The following FAM133B variants were observed in gnomAD, a reference collection of about 807,000 sequenced individuals.
FAM133B encodes family with sequence similarity 133 member B.
Under a neutral mutation model 46.4 loss-of-function variants are expected in FAM133B, and 25 were observed. That is an observed-to-expected ratio of 0.54 (90% CI 0.39 to 0.75). The LOEUF (loss-of-function observed/expected upper bound fraction) is 0.75, where lower values mean the gene tolerates loss of function less well. Among genes scored for constraint, FAM133B ranks in the 30% least tolerant of loss-of-function variants. FAM133B has a pLI of 0.00. For synonymous variants in FAM133B, 75 were observed against 86.0 expected (o/e 0.87, Z 0.71); for missense variants, 205 against 277.6 (o/e 0.74, Z 1.86).
intron 9 of FAM133B, among the ~76,000 whole-genome samples, chr7:92,568,007 A>G (rs1332833828): frequency 6.6e-6 from 1 of 152,168 alleles, no homozygotes; most frequent in South Asian, 2.1e-4. Flanking sequence ...CAGGTGATCC[A>G]TCTGCCTTGG....
At chr7:92,563,498 G>A (rs1562887317) in intron 10 of FAM133B, among the ~76,000 whole-genome samples, 1 of 151,968 alleles carries the variant, frequency 6.6e-6, no homozygotes, top group African/African-American at 2.4e-5. Flanking sequence ...TCCTTTGCTG[G>A]CTCTTCTTCC....
intron 5 of FAM133B, 185 bp from the exon 6 acceptor site, chr7:92,577,902 T>G: frequency 1.5e-6 from 1 of 653,952 alleles, no homozygotes; most frequent in Non-Finnish European, 2.6e-6. Context: ...CAAGTTAACA[T>G]ATGTGGCCAT....
intron 7 of FAM133B, among the ~76,000 whole-genome samples, chr7:92,576,069 C>A (rs781725567): frequency 1.3e-5 from 2 of 152,218 alleles, no homozygotes; most frequent in Non-Finnish European, 2.9e-5. Context: ...GTAATACCCA[C>A]ACAGCTTATT....
chr7:92,581,766 T>C, intron 1 of FAM133B, 163 bp from the exon 2 acceptor site: 1 of 577,730 alleles, frequency 1.7e-6, no homozygotes, highest in East Asian at 3.1e-5. Flanking sequence ...TTTAATCCTC[T>C]TTTAAGTCTT....
At chr7:92,566,147 T>C (rs1473115769) in intron 9 of FAM133B, 86 bp from the exon 10 acceptor site, 4 of 1,240,626 alleles carry the variant, frequency 3.2e-6, no homozygotes, top group Non-Finnish European at 4.6e-6. Context: ...CTATCTTGCA[T>C]CTTCAAAATT....
intron 9 of FAM133B, among the ~76,000 whole-genome samples, chr7:92,568,319 T>C (rs1039798810): frequency 1.3e-5 from 2 of 152,014 alleles, no homozygotes; most frequent in Non-Finnish European, 2.9e-5. Flanking sequence ...CAGCCTGCAT[T>C]TTGTTTTTTC....
intron 10 of FAM133B, 30 bp downstream of exon 10, chr7:92,565,984 T>C (rs190768063): frequency 5.0e-6 from 8 of 1,611,350 alleles, no homozygotes; most frequent in African/African-American, 2.7e-5. Context: ...ACCTATTCTA[T>C]TGTCTGTAAA....
rs1186923392 is a variant in FAM133B at position 92,579,349 on chromosome 7, C to A, written c.169G>T (p.Ala57Ser). The change falls in exon 3 of 11, where the codon GCT becomes TCT. Residue 57 changes from alanine (A) to serine (S), a missense_variant. By Grantham distance (99) the Ala-to-Ser change is moderately conservative. Transcript: ENST00000445716. ...QLEKKKKGSK[A>S]LAEFEEKMNE... is the part of the protein sequence containing the mutation. ...ATTTTTTCTTCAAATTCAGCCAAAG[C>A]CTTGGAGCCTTTCTTTTTCTTTTCT... 7 of 1,609,678 alleles carry A rather than the reference C, an allele frequency of 4.3e-6. No homozygotes were observed. The highest frequency in any genetic ancestry group is 5.9e-6 in the Non-Finnish European group (7 of 1,178,866).
At position 92,560,994 on chromosome 7, in the gene FAM133B, A is replaced by G. The variant is rs1794138979; in HGVS notation, c.*1288T>C. On this transcript the variant is annotated 3_prime_UTR_variant, in exon 11 of 11. Coordinates refer to ENST00000445716, the MANE Select transcript of FAM133B (RefSeq NM_152789.4). The stretch of plus-strand genomic sequence containing the variant: ...TTCCTAGTAAACAATTCAGCAGTAG[A>G]CATGAGGCACAAAATCTTAGTAAAA... 6.5e-6 allele frequency: 1 copy of G among 152,674 alleles called. No individual in the cohort carries two copies. Among genetic ancestry groups the G allele is most frequent in the South Asian group, 2.1e-4 (1 of 4,836 alleles). The allele number at this position is 152,674 out of a possible 1,614,324, so 9.5% of individuals were successfully genotyped here. A position where few individuals can be genotyped will look rare whatever the true frequency, so the allele number is the denominator to read the frequency against.
At chr7:92,575,984 C>T in intron 7 of FAM133B, 163 bp from the exon 8 acceptor site, 1 of 361,924 alleles carries the variant, frequency 2.8e-6, no homozygotes, top group East Asian at 4.3e-5. Context: ...GTTATGTATA[C>T]ATTTGCTTGT....
Position 92,587,518 on chromosome 7 carries a change from G to T in FAM133B, c.24+2750C>A, listed in dbSNP as rs1365335353. Among the ~76,000 whole-genome samples, 3 of 152,036 alleles carry T rather than the reference G, an allele frequency of 2.0e-5. No homozygotes were observed. In the East Asian group the frequency reaches 5.8e-4, roughly 29 times the overall value. ...GGCCGAGACGGGAGGATTGCTTGAG[G>T]CCAGGAATTTGAGACCAGCCTGGGC... On this transcript the variant is annotated intron_variant, in intron 1 of 10. Transcript: ENST00000445716.
rs557323635 is a variant in FAM133B, at chr7:92,563,177, G to T, written c.658-809C>A. Among the ~76,000 whole-genome samples, 11 of 152,272 alleles carry T rather than the reference G, an allele frequency of 7.2e-5. No homozygotes were observed. In the East Asian group the frequency reaches 1.9e-3, roughly 27 times the overall value. On this transcript the variant is annotated intron_variant, in intron 10 of 10. Transcript: ENST00000445716. ...AAGCAAAAAAGAAGAGACCTATAAG[G>T]ATGGTAACAGCAGAGCTTCCTATCC...
At chr7:92,564,954 T>TTAATG (rs1292931650) in intron 10 of FAM133B, among the ~76,000 whole-genome samples, 2 of 152,340 alleles carry the variant, frequency 1.3e-5, no homozygotes, top group Non-Finnish European at 2.9e-5. Context: ...AGAATCTTTA[T>TTAATG]TAATGAGTCA....
chr7:92,577,947 A>G (rs985168147), intron 5 of FAM133B: 30 of 651,250 alleles, frequency 4.6e-5, no homozygotes, highest in Non-Finnish European at 8.0e-5. Context: ...AGCAACAGAA[A>G]ATGTACTACG....
At chr7:92,581,730 C>T (rs905985761) in intron 1 of FAM133B, 127 bp from the exon 2 acceptor site, 5 of 678,404 alleles carry the variant, frequency 7.4e-6, no homozygotes, top group East Asian at 5.7e-5. Context: ...ATCTGACTAA[C>T]CAACTCTTTA....
chr7:92,563,301 G>A (rs1296749553), intron 10 of FAM133B, among the ~76,000 whole-genome samples: 2 of 152,124 alleles, frequency 1.3e-5, no homozygotes, highest in Non-Finnish European at 2.9e-5. Flanking sequence ...CTCACTACAT[G>A]TTTGAAGTAC....
chr7:92,588,036 G>A (rs1187866201), intron 1 of FAM133B, among the ~76,000 whole-genome samples: 2 of 152,112 alleles, frequency 1.3e-5, no homozygotes, highest in African/African-American at 2.4e-5. Context: ...AGTGTCAGAT[G>A]ACTGAAGTTT....
chr7:92,574,881 C>T (rs1320414983), intron 8 of FAM133B, among the ~76,000 whole-genome samples: 5 of 147,886 alleles, frequency 3.4e-5, no homozygotes, highest in African/African-American at 1.0e-4. Flanking sequence ...GTCCGCAGTC[C>T]GGCCTGGGCG....
rs569157079 is a variant in FAM133B at position 92,573,659 on chromosome 7, A to G, written c.516+2112T>C. 1.1e-4 allele frequency among the ~76,000 whole-genome samples: 16 copies of G among 151,466 alleles called. 1 individual carries two copies. In the East Asian group the frequency reaches 1.4e-3, roughly 13 times the overall value. On this transcript the variant is annotated intron_variant, in intron 8 of 10. Coordinates refer to ENST00000445716, the MANE Select transcript of FAM133B (RefSeq NM_152789.4). ...TGTTACCAGATTTAATTTCACACAT[A>G]CTTTTTTTTTTTAAATATGAGGGTA...
Sources: gnomAD v4.1 joint callset for allele counts (sites outside exome capture counted in the v4.1 genomes callset) on GRCh38, gnomAD v4.1.1 for gene constraint, MANE v1.5 for transcripts, NCBI Gene and HGNC (gene_info 2026-07-23, HGNC 2026-07-21) for gene names.